The following PDE4D variants were observed in gnomAD, a reference collection of about 807,000 sequenced individuals.
PDE4D encodes the protein phosphodiesterase 4D.
A neutral mutation model predicts 87.4 loss-of-function variants in PDE4D; 24 were observed. The ratio of observed to expected loss-of-function variants is 0.27; its 90% CI spans 0.20 to 0.39. The LOEUF (loss-of-function observed/expected upper bound fraction) is 0.39. Among genes scored for constraint, PDE4D ranks in the 10% least tolerant of loss-of-function variants. The pLI is 1.00. For missense variants in PDE4D, 714 were observed against 1,041.0 expected (o/e 0.69, Z 4.32); for synonymous variants, 384 against 383.2 (o/e 1.00, Z -0.02).
chr5:59,753,311 G>T (rs541120831), intron 1 of PDE4D, among the ~76,000 whole-genome samples: 2 of 152,226 alleles, frequency 1.3e-5, no homozygotes, highest in Admixed American at 1.3e-4. Context: ...GAGATAATAG[G>T]TGAAATAATC....
intron 1 of PDE4D, among the ~76,000 whole-genome samples, chr5:59,810,871 G>T (rs939573464): frequency 1.3e-5 from 2 of 152,126 alleles, no homozygotes; most frequent in African/African-American, 2.4e-5. Context: ...AAAATAATTT[G>T]TATCTTTATT....
At chr5:59,704,423 C>A (rs544178925) in intron 1 of PDE4D, among the ~76,000 whole-genome samples, 12 of 152,314 alleles carry the variant, frequency 7.9e-5, no homozygotes, top group Admixed American at 2.0e-4. Flanking sequence ...AATCACTAAT[C>A]TTTCTGCCAT....
intron 1 of PDE4D, among the ~76,000 whole-genome samples, chr5:59,251,972 G>A (rs1034352764): frequency 6.6e-6 from 1 of 152,124 alleles, no homozygotes; most frequent in Non-Finnish European, 1.5e-5. Flanking sequence ...GCTAAATGAT[G>A]AGAACTCAGG....
In PDE4D at chr5:59,111,749, A is replaced by G. The variant is rs145500499; in HGVS notation, c.808+68846T>C. On this transcript the variant is annotated intron_variant, in intron 5 of 14. Transcript: ENST00000340635. Reference sequence around the variant, plus strand: ...TCCTTATCTTCTGAGTGAAACTTTCAATTATTTGGCAAAGAAAACAAGGCT... The same window carrying G: ...TCCTTATCTTCTGAGTGAAACTTTCGATTATTTGGCAAAGAAAACAAGGCT... Among the ~76,000 whole-genome samples, 305 of 152,302 alleles carry G rather than the reference A, an allele frequency of 2.0e-3. 1 individual carries two copies. Among genetic ancestry groups the G allele is most frequent in the African/African-American group, 7.0e-3 (290 of 41,572 alleles).
intron 1 of PDE4D, among the ~76,000 whole-genome samples, chr5:60,411,655 G>T (rs1339826161): frequency 6.6e-6 from 1 of 152,042 alleles, no homozygotes; most frequent in Non-Finnish European, 1.5e-5. Context: ...AAACCATTTA[G>T]CTCTAAAAAA....
intron 1 of PDE4D, among the ~76,000 whole-genome samples, chr5:60,382,258 A>G (rs950273317): frequency 2.0e-5 from 3 of 152,128 alleles, no homozygotes; most frequent in Non-Finnish European, 2.9e-5. Flanking sequence ...GTCATTCCTG[A>G]TGCTACTTCA....
intron 5 of PDE4D, among the ~76,000 whole-genome samples, chr5:59,060,493 T>C (rs1306349236): frequency 6.6e-6 from 1 of 152,172 alleles, no homozygotes; most frequent in Admixed American, 6.6e-5. Flanking sequence ...CATTTTTGCT[T>C]TGATGTTCAA....
chr5:60,028,173 A>G (rs1766840560), intron 2 of PDE4D, among the ~76,000 whole-genome samples: 1 of 152,138 alleles, frequency 6.6e-6, no homozygotes, highest in Non-Finnish European at 1.5e-5. Flanking sequence ...TTAATCACTT[A>G]TCACTGTCAG....
chr5:60,068,476 G>A (rs1309675680), intron 2 of PDE4D, among the ~76,000 whole-genome samples: 1 of 151,692 alleles, frequency 6.6e-6, no homozygotes, highest in African/African-American at 2.4e-5. Context: ...ACCTGAAGGG[G>A]TTTATTTTAG....
intron 1 of PDE4D, among the ~76,000 whole-genome samples, chr5:59,650,423 G>A (rs1743255880): frequency 6.6e-6 from 1 of 152,162 alleles, no homozygotes; most frequent in East Asian, 1.9e-4. Context: ...GGCTGAAGAT[G>A]CAGAAATCAG....
chr5:59,700,326 A>T (rs1752383690), intron 1 of PDE4D, among the ~76,000 whole-genome samples: 1 of 152,196 alleles, frequency 6.6e-6, no homozygotes, highest in Non-Finnish European at 1.5e-5. Context: ...GGCCTATCAT[A>T]CCTATGACAC....
intron 1 of PDE4D, among the ~76,000 whole-genome samples, chr5:60,373,760 G>T (rs1206846700): frequency 6.6e-6 from 1 of 152,200 alleles, no homozygotes; most frequent in African/African-American, 2.4e-5. Flanking sequence ...CTCCAGAGGA[G>T]AATCTATTTT....
chr5:59,765,440 TA>T (rs1210393887), intron 1 of PDE4D, among the ~76,000 whole-genome samples: 3 of 152,194 alleles, frequency 2.0e-5, no homozygotes, highest in African/African-American at 7.2e-5. Flanking sequence ...CTTAACATAC[TA>T]TATAACCAAG....
At chr5:59,497,624 G>A (rs1251361264) in intron 1 of PDE4D, among the ~76,000 whole-genome samples, 4 of 151,748 alleles carry the variant, frequency 2.6e-5, no homozygotes, top group Admixed American at 2.6e-4. Context: ...AATCAACCCA[G>A]GCAGGCAAAA....
intron 1 of PDE4D, among the ~76,000 whole-genome samples, chr5:59,538,634 T>C (rs1316470897): frequency 6.6e-6 from 1 of 152,184 alleles, no homozygotes; most frequent in Admixed American, 6.5e-5. Context: ...CCAGCTGGTC[T>C]CCTTTCCTTC....
At chr5:59,850,332 G>A (rs561754797) in intron 1 of PDE4D, among the ~76,000 whole-genome samples, 12 of 152,018 alleles carry the variant, frequency 7.9e-5, no homozygotes, top group Admixed American at 1.3e-4. Flanking sequence ...CTTTTCTTGA[G>A]TCTATGTTTT....
chr5:59,476,160 A>T (rs1267242391), intron 1 of PDE4D, among the ~76,000 whole-genome samples: 3 of 152,044 alleles, frequency 2.0e-5, no homozygotes, highest in African/African-American at 7.2e-5. Context: ...GTTTCTGGAT[A>T]CAGTGAAATT....
chr5:59,467,141 C>CT (rs1268117279), intron 1 of PDE4D, among the ~76,000 whole-genome samples: 12 of 152,178 alleles, frequency 7.9e-5, no homozygotes, highest in Non-Finnish European at 1.6e-4. Context: ...ACCAACCCTG[C>CT]TCTCTTGACT....
chr5:59,270,683 G>A (rs917042504), intron 1 of PDE4D, among the ~76,000 whole-genome samples: 3 of 152,088 alleles, frequency 2.0e-5, no homozygotes, highest in African/African-American at 7.2e-5. Context: ...AATTTCATAG[G>A]CTACCATACT....
Sources: gnomAD v4.1 joint callset for allele counts (sites outside exome capture counted in the v4.1 genomes callset) on GRCh38, gnomAD v4.1.1 for gene constraint, MANE v1.5 for transcripts, NCBI Gene and HGNC (gene_info 2026-07-23, HGNC 2026-07-21) for gene names.